The following MYO1H variants were observed in gnomAD, a reference collection of about 807,000 sequenced individuals.
MYO1H encodes unconventional myosin-Ih.
In MYO1H, 118 loss-of-function variants were observed where a neutral mutation model predicts 149.3. The observed-to-expected ratio is 0.79, with a 90% confidence interval of 0.68 to 0.92. The LOEUF is 0.92. Ranked by LOEUF, MYO1H falls within the 40% of genes least tolerant of loss-of-function variation. The probability of loss-of-function intolerance (pLI) is 0.00; values close to 1 mark genes in which losing one functional copy is unlikely to be tolerated. For missense variants in MYO1H, 1,212 were observed against 1,280.7 expected (o/e 0.95, Z 0.82); for synonymous variants, 447 against 465.2 (o/e 0.96, Z 0.50).
upstream of MYO1H, among the ~76,000 whole-genome samples, chr12:109,343,082 A>T (rs182879444): frequency 5.5e-3 from 839 of 152,086 alleles, 10 homozygotes; most frequent in African/African-American, 0.019. Flanking sequence ...ATAAGCAAAA[A>T]TTAACTCTGA....
the MYO1H span, among the ~76,000 whole-genome samples, chr12:109,318,649 A>G: frequency 1.0e-3 from 158 of 152,306 alleles, 2 homozygotes; most frequent in Non-Finnish European, 7.9e-4. Flanking sequence ...GTTGAGGCAC[A>G]TTCTACAATA....
At chr12:109,329,092 A>G in the MYO1H span, among the ~76,000 whole-genome samples, 4 of 147,592 alleles carry the variant, frequency 2.7e-5, no homozygotes, top group Non-Finnish European at 5.9e-5. Context: ...CTTTATATGC[A>G]CAAACTCTGT....
the MYO1H span, among the ~76,000 whole-genome samples, chr12:109,318,472 A>C: frequency 6.6e-5 from 10 of 152,162 alleles, no homozygotes; most frequent in Admixed American, 2.6e-4. Flanking sequence ...AGGCTGGCAC[A>C]CATGACCTTG....
At chr12:109,430,115 G>A (rs1266622468) in intron 19 of MYO1H, among the ~76,000 whole-genome samples, 3 of 152,138 alleles carry the variant, frequency 2.0e-5, no homozygotes, top group African/African-American at 7.2e-5. Context: ...AATTTTGTGG[G>A]GACACAGACG....
chr12:109,373,787 CAAA>C (rs1869036683), intron 1 of MYO1H, among the ~76,000 whole-genome samples: 1 of 152,146 alleles, frequency 6.6e-6, no homozygotes, highest in Admixed American at 6.5e-5. Flanking sequence ...GTGAAAGATA[CAAA>C]ACCCACCCTT....
At chr12:109,331,388 T>C in the MYO1H span, among the ~76,000 whole-genome samples, 11 of 152,020 alleles carry the variant, frequency 7.2e-5, no homozygotes, top group Admixed American at 4.6e-4. Context: ...CCAAGGCCTT[T>C]TGGGGACTTG....
At chr12:109,391,508 T>C (rs1424681247) in intron 2 of MYO1H, among the ~76,000 whole-genome samples, 1 of 152,234 alleles carries the variant, frequency 6.6e-6, no homozygotes, top group African/African-American at 2.4e-5. Flanking sequence ...TGATTCCATG[T>C]CTTTGATGTT....
At chr12:109,442,397 C>T (rs1872176757) in intron 27 of MYO1H, 125 bp downstream of exon 27, 1 of 724,088 alleles carries the variant, frequency 1.4e-6, no homozygotes, top group Non-Finnish European at 2.4e-6. Context: ...CTGGGGCTCT[C>T]AACTGTGATG....
chr12:109,443,114 G>GTATATATGTGTACGTATATGTGTGTA (rs762250854), intron 27 of MYO1H, among the ~76,000 whole-genome samples: 1 of 12,238 alleles, frequency 8.2e-5, no homozygotes, highest in South Asian at 6.9e-3. Context: ...GTATATGTGT[G>GTATATATGTGTACGTATATGTGTGTA]TATATGTGTA....
chr12:109,422,472 A>G (rs1005833825), intron 16 of MYO1H, among the ~76,000 whole-genome samples: 3 of 152,198 alleles, frequency 2.0e-5, no homozygotes, highest in Admixed American at 2.0e-4. Flanking sequence ...TGTCCGCCTC[A>G]TGGAGTAGCT....
the MYO1H span, among the ~76,000 whole-genome samples, chr12:109,329,963 G>A: frequency 6.6e-6 from 1 of 152,206 alleles, no homozygotes; most frequent in Non-Finnish European, 1.5e-5. Flanking sequence ...GGAGGCAGAT[G>A]ATGAGTAAGT....
rs1335775670 is a variant in MYO1H, at chr12:109,443,059, C to T, written c.2689-455C>T. Among the ~76,000 whole-genome samples, 83 of 41,352 alleles carry T rather than the reference C, an allele frequency of 2.0e-3. 22 individuals are homozygous for T. Among genetic ancestry groups the T allele is most frequent in the African/African-American group, 8.6e-3 (65 of 7,516 alleles). 27.1% of individuals were successfully genotyped at this position (41,352 alleles called of 152,430 possible). On this transcript the variant is annotated intron_variant, in intron 27 of 31. Coordinates refer to ENST00000310903, the Ensembl canonical transcript of MYO1H. ...GTGTGTGTGTGTGTATATATGTGTACGTATGTGTGTATATATGTGTACGTA... is the reference window on the plus strand; with the variant it reads ...GTGTGTGTGTGTGTATATATGTGTATGTATGTGTGTATATATGTGTACGTA...
At chr12:109,381,834 A>G (rs957519523) in intron 1 of MYO1H, among the ~76,000 whole-genome samples, 1 of 152,182 alleles carries the variant, frequency 6.6e-6, no homozygotes, top group African/African-American at 2.4e-5. Flanking sequence ...TTAAAAAAAA[A>G]GTTAACTATC....
chr12:109,423,303 CATAT>C (rs1168718080), intron 16 of MYO1H, among the ~76,000 whole-genome samples: 4 of 152,114 alleles, frequency 2.6e-5, no homozygotes, highest in Non-Finnish European at 2.9e-5. Flanking sequence ...GGATTACAGG[CATAT>C]GCCACCACAC....
exon 24 of MYO1H, chr12:109,439,691 C>A: frequency 1.2e-6 from 2 of 1,613,722 alleles, no homozygotes; most frequent in Non-Finnish European, 1.7e-6. Context: ...AGGAATTTAT[C>A]GTGTTTGTGC....
At chr12:109,388,208 C>T (rs966410569) in intron 1 of MYO1H, among the ~76,000 whole-genome samples, 1 of 152,090 alleles carries the variant, frequency 6.6e-6, no homozygotes, top group African/African-American at 2.4e-5. Flanking sequence ...AAAATTCAAG[C>T]TTGACTAATC....
chr12:109,336,624 C>T, the MYO1H span, among the ~76,000 whole-genome samples: 1 of 152,220 alleles, frequency 6.6e-6, no homozygotes, highest in East Asian at 1.9e-4. Context: ...AAGGACTTTT[C>T]TCTCTCAGAC....
rs1240036185 is a variant in MYO1H at position 109,445,910 on chromosome 12, G to A, written c.3093+298G>A. 6 of 985,266 alleles carry A rather than the reference G, an allele frequency of 6.1e-6. No individual in the cohort carries two copies. The South Asian group carries it at 2.8e-4, about 46-fold the overall frequency. 61.0% of individuals were successfully genotyped at this position (985,266 alleles called of 1,614,324 possible). A position where few individuals can be genotyped will look rare whatever the true frequency, so the allele number is the denominator to read the frequency against. On this transcript the variant is annotated intron_variant, in intron 31 of 31. Transcript: ENST00000310903. ...ACTTTTCACTGGATAAAGGCTTCAC[G>A]CTTATTACAGTTATCCATAACTATC...
upstream of MYO1H, among the ~76,000 whole-genome samples, chr12:109,345,794 C>A (rs2048100943): frequency 6.6e-6 from 1 of 152,084 alleles, no homozygotes; most frequent in South Asian, 2.1e-4. Flanking sequence ...CTGGTTCATG[C>A]TAAAACATGG....
Sources: allele counts gnomAD v4.1 joint callset (sites outside exome capture counted in the v4.1 genomes callset), GRCh38; gene constraint gnomAD v4.1.1; transcripts MANE v1.5; gene names NCBI Gene and HGNC (gene_info 2026-07-23, HGNC 2026-07-21).